Variants in SYT9 observed in about 807,000 individuals in gnomAD.
SYT9 encodes the protein synaptotagmin-9.
In SYT9, 22 loss-of-function variants were observed where a neutral mutation model predicts 48.4. The observed-to-expected ratio is 0.45, with a 90% CI of 0.32 to 0.65. The LOEUF is 0.65. Ranked by LOEUF, SYT9 falls within the 30% of genes least tolerant of loss-of-function variation. SYT9 has a pLI of 0.03. For synonymous variants in SYT9, 265 were observed against 245.0 expected, an observed-to-expected ratio of 1.08 and a Z score of -0.76; for missense variants, 577 against 622.0, an observed-to-expected ratio of 0.93 and a Z score of 0.77.
chr11:7,457,927 C>T (rs1009295784), intron 6 of SYT9: 1 of 152,194 alleles, frequency 6.6e-6, no homozygotes, highest in African/African-American at 2.4e-5. Context: ...AGGTGCTTCA[C>T]TGTATGGCAT....
intron 3 of SYT9, among the ~76,000 whole-genome samples, chr11:7,331,444 A>G (rs1301333609): frequency 2.0e-5 from 3 of 151,980 alleles, no homozygotes; most frequent in Admixed American, 2.0e-4. Context: ...TTCTCTACCT[A>G]TAATAACCTT....
In SYT9 at chr11:7,448,126, T is replaced by C. The variant is rs75095731; in HGVS notation, c.1468-18666T>C. The stretch of plus-strand genomic sequence containing the variant: ...GCCTTGACAGTCTGCAAGGAGAGAA[T>C]AGCCATGGGGCTCGGGGTCCCGTGA... On this transcript the variant is annotated intron_variant, in intron 6 of 6. Coordinates refer to ENST00000318881, the MANE Select transcript of SYT9 (RefSeq NM_175733.4). Among the ~76,000 whole-genome samples the C allele has an allele frequency of 3.8e-4, 58 of 152,348 alleles. No homozygotes were observed. The East Asian group carries it at 0.01, about 26-fold the overall frequency.
chr11:7,334,961 A>G (rs1192005403), intron 3 of SYT9, among the ~76,000 whole-genome samples: 2 of 152,214 alleles, frequency 1.3e-5, no homozygotes, highest in Non-Finnish European at 2.9e-5. Flanking sequence ...TTGTATGGAC[A>G]TATGCTTTTA....
intron 6 of SYT9, among the ~76,000 whole-genome samples, chr11:7,455,616 G>C (rs1215238031): frequency 3.3e-5 from 5 of 151,934 alleles, no homozygotes; most frequent in Non-Finnish European, 1.5e-5. Context: ...CTGGGATTTA[G>C]ACATGAGCCA....
At chr11:7,240,317 G>A (rs1847727853) in intron 1 of SYT9, among the ~76,000 whole-genome samples, 1 of 152,068 alleles carries the variant, frequency 6.6e-6, no homozygotes, top group African/African-American at 2.4e-5. Flanking sequence ...TGTGTTTGAA[G>A]TTTCATATAG....
intron 3 of SYT9, among the ~76,000 whole-genome samples, chr11:7,368,326 C>A (rs1052389517): frequency 6.2e-5 from 9 of 144,386 alleles, no homozygotes; most frequent in African/African-American, 2.4e-4. Context: ...ATAGCCAGAT[C>A]TGACATTTGG....
intron 2 of SYT9, among the ~76,000 whole-genome samples, chr11:7,305,346 T>G (rs1389666542): frequency 6.6e-6 from 1 of 152,200 alleles, no homozygotes; most frequent in Non-Finnish European, 1.5e-5. Flanking sequence ...CAATTTGCAT[T>G]TTTATGCATT....
Position 7,313,905 on chromosome 11 carries a change from G to A in SYT9, c.1008G>A (p.Glu336=). 6.2e-7 allele frequency: 1 copy of A among 1,613,796 alleles called. No homozygotes were observed. Among genetic ancestry groups the A allele is most frequent in the Non-Finnish European group, 8.5e-7 (1 of 1,179,916 alleles). Residue 336 remains glutamate, a synonymous_variant, in exon 3 of 7, where the codon GAG becomes GAA. Transcript: ENST00000318881. ...HFLDLADFPR[E]CILWKDIEYV... ...TAGACTTGGCTGATTTCCCCAGGGA[G>A]TGCATCCTTTGGAAGGATATCGAAT...
chr11:7,371,807 A>G (rs752024875), intron 3 of SYT9, among the ~76,000 whole-genome samples: 5 of 152,162 alleles, frequency 3.3e-5, no homozygotes, highest in Non-Finnish European at 5.9e-5. Flanking sequence ...ATGTTCATCT[A>G]TGCTGTGAGT....
intron 6 of SYT9, among the ~76,000 whole-genome samples, chr11:7,462,338 A>G (rs779172894): frequency 1.3e-5 from 2 of 151,910 alleles, no homozygotes; most frequent in African/African-American, 2.4e-5. Flanking sequence ...GCTAGTGCTT[A>G]AGCACTCAAT....
intron 6 of SYT9, among the ~76,000 whole-genome samples, chr11:7,454,719 C>T (rs543327017): frequency 6.6e-6 from 1 of 152,282 alleles, no homozygotes; most frequent in East Asian, 1.9e-4. Context: ...ACCTAAGGCC[C>T]CTGATACCTC....
intron 6 of SYT9, chr11:7,456,809 C>T (rs4073065): frequency 0.31 from 47,465 of 152,040 alleles, 8,954 homozygotes; most frequent in African/African-American, 0.52. Flanking sequence ...CCTTCCCATC[C>T]TCACTCACCA....
chr11:7,370,472 T>TC (rs1464926800), intron 3 of SYT9, among the ~76,000 whole-genome samples: 3 of 152,158 alleles, frequency 2.0e-5, no homozygotes, highest in African/African-American at 7.2e-5. Context: ...GGCATGAAGT[T>TC]CCTTTCTAAG....
Position 7,365,816 on chromosome 11 carries a change from C to T in SYT9, c.1045-50226C>T, listed in dbSNP as rs540126515. 3.9e-5 allele frequency among the ~76,000 whole-genome samples: 6 copies of T among 152,236 alleles called. No homozygotes were observed. In the South Asian group the frequency reaches 1.0e-3, roughly 26 times the overall value. On this transcript the variant is annotated intron_variant, in intron 3 of 6. Coordinates refer to ENST00000318881, the MANE Select transcript of SYT9 (RefSeq NM_175733.4). ...AAATTGTGAAATATGTGAGCAGGAT[C>T]GGGTCGTATTTACTGTTGAAATGTA...
At chr11:7,456,464 C>T (rs893870457) in intron 6 of SYT9, among the ~76,000 whole-genome samples, 5 of 152,234 alleles carry the variant, frequency 3.3e-5, no homozygotes, top group Non-Finnish European at 7.3e-5. Flanking sequence ...CCAGTGTCTT[C>T]CCCATGTCAG....
chr11:7,255,615 G>A (rs896908224), intron 1 of SYT9, among the ~76,000 whole-genome samples: 1 of 152,152 alleles, frequency 6.6e-6, no homozygotes, highest in Non-Finnish European at 1.5e-5. Context: ...AGGTACAGCC[G>A]CAAGTATTTA....
chr11:7,451,052 A>G (rs28473678), intron 6 of SYT9, among the ~76,000 whole-genome samples: 46,921 of 152,158 alleles, frequency 0.31, 8,120 homozygotes, highest in African/African-American at 0.45. Context: ...GCACCGATTC[A>G]TCATCCTTTA....
At chr11:7,336,291 G>A (rs1020761104) in intron 3 of SYT9, among the ~76,000 whole-genome samples, 2 of 152,042 alleles carry the variant, frequency 1.3e-5, no homozygotes, top group African/African-American at 4.8e-5. Flanking sequence ...TCTGTAGTTT[G>A]TTTGTTTACT....
intron 3 of SYT9, among the ~76,000 whole-genome samples, chr11:7,320,667 T>TA (rs1849320819): frequency 6.6e-6 from 1 of 152,206 alleles, no homozygotes; most frequent in Non-Finnish European, 1.5e-5. Context: ...CTAATCTTTT[T>TA]TAAAAAATTC....
Sources: allele counts gnomAD v4.1 joint callset (sites outside exome capture counted in the v4.1 genomes callset), GRCh38; gene constraint gnomAD v4.1.1; transcripts MANE v1.5; gene names NCBI Gene and HGNC (gene_info 2026-07-23, HGNC 2026-07-21).